ADGRB2: variants seen among roughly 807,000 people sequenced by gnomAD.
The protein encoded by ADGRB2 is adhesion G protein-coupled receptor B2, also known as brain-specific angiogenesis inhibitor 2.
ADGRB2 carries 47 observed loss-of-function variants against 178.7 expected under a neutral mutation model. The observed-to-expected ratio is 0.26, with a 90% CI of 0.21 to 0.34. The LOEUF is 0.34. Ranked by LOEUF, ADGRB2 falls within the 10% of genes least tolerant of loss-of-function variation. The pLI, the probability that ADGRB2 is intolerant of heterozygous loss-of-function variation, is 1.00. For missense variants in ADGRB2, 1,584 were observed against 2,180.8 expected (o/e 0.73, Z 5.45); for synonymous variants, 870 against 912.4 (o/e 0.95, Z 0.84).
intron 1 of ADGRB2, among the ~76,000 whole-genome samples, chr1:31,763,387 A>G (rs1647103957): frequency 6.7e-6 from 1 of 150,310 alleles, no homozygotes; most frequent in East Asian, 2.0e-4. Flanking sequence ...GCAGACATGG[A>G]TGGGGACAGG....
chr1:31,738,925 G>A lies in ADGRB2; in HGVS notation c.2508C>T (p.Ala836=), dbSNP rs200832626. ...LILPPPRPPL[A]VTSRVMTVTV... is the part of the protein sequence containing the mutation. Reference sequence around the variant, plus strand: ...TCACTGTCATCACCCGGGATGTGACGGCCAGCGGGGGCCTGCGGGACAGGT... The same window carrying A: ...TCACTGTCATCACCCGGGATGTGACAGCCAGCGGGGGCCTGCGGGACAGGT... The change falls in exon 16 of 33, where the codon GCC becomes GCT. Residue 836 remains alanine (A), a synonymous_variant. Transcript: ENST00000373658. 2.4e-4 allele frequency: 393 copies of A among 1,611,136 alleles called. 1 individual carries two copies. Among genetic ancestry groups the A allele is most frequent in the Non-Finnish European group, 8.1e-5 (95 of 1,178,628 alleles).
In ADGRB2 at chr1:31,735,123, T is replaced by TG; in HGVS notation, c.3452+59dup. On this transcript the variant is annotated intron_variant, in intron 25 of 32. Coordinates refer to ENST00000373658, the MANE Select transcript of ADGRB2 (RefSeq NM_001364857.2). This position sits in a 1 kb window ranked among gnomAD's most constrained non-coding sequence, Gnocchi z 6.0. ...CTCCTCCTCCCCCCACCATGGGCAC[T>TG]GCCCCCCCCAATTCCTTTGCCCCAC... The TG allele has an allele frequency of 1.2e-4, 70 of 590,338 alleles. No individual in the cohort carries two copies. Among genetic ancestry groups the TG allele is most frequent in the East Asian group, 1.6e-4 (4 of 24,250 alleles). The allele number at this position is 590,338 out of a possible 1,614,324, so 36.6% of individuals were successfully genotyped here.
At chr1:31,760,470 A>G (rs969807722) in intron 1 of ADGRB2, among the ~76,000 whole-genome samples, 1 of 152,124 alleles carries the variant, frequency 6.6e-6, no homozygotes, top group East Asian at 1.9e-4. Flanking sequence ...CAAAGCTTTC[A>G]GCAGCTGAAA....
rs372710497 is a variant in ADGRB2 at position 31,728,573 on chromosome 1, C to T, written c.4416+25G>A. On this transcript the variant is annotated intron_variant, in intron 30 of 32. Coordinates refer to ENST00000373658, the MANE Select transcript of ADGRB2 (RefSeq NM_001364857.2). The surrounding 1 kb of genome is among the most constrained non-coding windows in gnomAD (Gnocchi z 6.7). ...CAGACACCACAGCCAGATGTCCCAC[C>T]GCCCAGCACACACATGGCCCTTACC... The T allele has an allele frequency of 2.4e-5, 38 of 1,613,926 alleles. No individual in the cohort carries two copies. Among genetic ancestry groups the T allele is most frequent in the Middle Eastern group, 1.6e-4 (1 of 6,082 alleles).
chr1:31,742,712 C>T, intron 7 of ADGRB2, 126 bp downstream of exon 7: 1 of 1,159,168 alleles, frequency 8.6e-7, no homozygotes, highest in Non-Finnish European at 1.1e-6. Flanking sequence ...CTCCAGTCTC[C>T]CCATGCTTGG....
Position 31,733,165 on chromosome 1 carries a change from C to T in ADGRB2, c.3453-22G>A, listed in dbSNP as rs762959368. 2 of 1,561,294 alleles carry T rather than the reference C, an allele frequency of 1.3e-6. No homozygotes were observed. The highest frequency in any genetic ancestry group is 2.7e-5 in the African/African-American group (2 of 73,502). On this transcript the variant is annotated intron_variant, in intron 25 of 32. Transcript: ENST00000373658. The surrounding 1 kb of genome is among the most constrained non-coding windows in gnomAD (Gnocchi z 4.3). The stretch of plus-strand genomic sequence containing the variant: ...GGCCCTGAGGGGACAGTGGCAGAGC[C>T]CATCAGAGTGACACTCCGGGGGACA...
Position 31,759,307 on chromosome 1 carries a change from G to A in ADGRB2, c.-190-1796C>T, listed in dbSNP as rs369676902. The A allele has an allele frequency of 3.7e-5, 29 of 779,552 alleles. No individual in the cohort carries two copies. The highest frequency in any genetic ancestry group is 4.5e-4 in the Middle Eastern group (2 of 4,464). The allele number at this position is 779,552 out of a possible 1,614,324, so 48.3% of individuals were successfully genotyped here. A position where few individuals can be genotyped will look rare whatever the true frequency, so the allele number is the denominator to read the frequency against. ...TGCACAGAGGTGCACACGCATTCTC[G>A]ACTGAGAACACACATGAGTATCTGG... On this transcript the variant is annotated intron_variant, in intron 1 of 32. Transcript: ENST00000373658. This position sits in a 1 kb window ranked among gnomAD's most constrained non-coding sequence, Gnocchi z 4.3.
At position 31,731,026 on chromosome 1, in the gene ADGRB2, G is replaced by A; in HGVS notation, c.4154C>T (p.Ala1385Val). 6.3e-7 allele frequency: 1 copy of A among 1,584,226 alleles called. No homozygotes were observed. The highest frequency in any genetic ancestry group is 8.6e-7 in the Non-Finnish European group (1 of 1,162,524). The change falls in exon 29 of 33, where the codon GCT becomes GTT. Residue 1385 changes from alanine to valine, a missense_variant. Ala to Val is a moderately conservative substitution (Grantham distance 64). Transcript: ENST00000373658. ...RARPEGTPRR[A>V]AKTVAHTEGY... is the part of the protein sequence containing the mutation. ...TTCAGTGTGGGCCACTGTCTTGGCA[G>A]CTCGCCGGGGGGTCCCCTCCGGCCG...
chr1:31,742,790 C>G (rs1646048980), intron 7 of ADGRB2, 48 bp downstream of exon 7: 5 of 1,374,360 alleles, frequency 3.6e-6, no homozygotes, highest in Non-Finnish European at 3.8e-6. Context: ...TCCCGACCCC[C>G]CACCGGGCTG....
chr1:31,751,364 A>G (rs1646561460), intron 4 of ADGRB2, among the ~76,000 whole-genome samples: 1 of 152,230 alleles, frequency 6.6e-6, no homozygotes, highest in African/African-American at 2.4e-5. Context: ...TGTATGGGAT[A>G]GTCTGGTTTG....
chr1:31,745,102 T>C (rs1476678040), intron 4 of ADGRB2, among the ~76,000 whole-genome samples: 1 of 152,190 alleles, frequency 6.6e-6, no homozygotes, highest in Non-Finnish European at 1.5e-5. Context: ...AGAACCATCA[T>C]CTCTGTTTAC....
chr1:31,737,757 TG>T lies in ADGRB2; in HGVS notation c.2773-3del, dbSNP rs1054828705. The T allele has an allele frequency of 6.2e-7, 1 of 1,612,970 alleles. No individual in the cohort carries two copies. The highest frequency in any genetic ancestry group is 1.3e-5 in the African/African-American group (1 of 74,892). ...GGGGGAGCCCGCCAGCTCCAGGGTC[TG>T]GGGAAGATGGGCAGACAGTCAGATG... On this transcript the variant is annotated splice_region_variant and splice_polypyrimidine_tract_variant and intron_variant, in intron 18 of 32. Coordinates refer to ENST00000373658, the MANE Select transcript of ADGRB2 (RefSeq NM_001364857.2).
At chr1:31,738,551 G>T in intron 17 of ADGRB2, 36 bp downstream of exon 17, 1 of 1,590,734 alleles carries the variant, frequency 6.3e-7, no homozygotes, top group Non-Finnish European at 8.6e-7. Context: ...CCCTAGGGCT[G>T]CTCCCTTCCT....
chr1:31,731,282 C>T lies in ADGRB2; in HGVS notation c.3898G>A (p.Gly1300Arg), dbSNP rs1383495893. ...GCTGCCATGGGCACCAGGATATTCC[C>T]AGGCAGTGGTGAGAAGCTGAGGCTG... ...EGSLSFSPLPGNILVPMAASP... is the reference protein window; with the variant it reads ...EGSLSFSPLPRNILVPMAASP... Residue 1300 changes from glycine (G) to arginine (R), a missense_variant, in exon 29 of 33, where the codon GGG (glycine) becomes AGG (arginine). Gly to Arg is a moderately radical substitution (Grantham distance 125). Transcript: ENST00000373658. 3 of 1,611,624 alleles carry T rather than the reference C, an allele frequency of 1.9e-6. No homozygotes were observed. The highest frequency in any genetic ancestry group is 1.7e-5 in the Admixed American group (1 of 59,854).
rs751936334 is a variant in ADGRB2, at chr1:31,736,626, A to G, written c.3077T>C (p.Ile1026Thr). The G allele has an allele frequency of 6.1e-5, 99 of 1,614,022 alleles. No individual in the cohort carries two copies. Among genetic ancestry groups the G allele is most frequent in the South Asian group, 3.4e-4 (31 of 91,094 alleles). The change falls in exon 21 of 33, where the codon ATT becomes ACT. Residue 1026 changes from isoleucine to threonine, a missense_variant. Around this residue, in one of 3 missense-constraint regions of ADGRB2, gnomAD observed 865 missense variants for 1,192.8 expected, o/e 0.73. Transcript: ENST00000373658. ...TEAWQSYLAV[I>T]GRMRTRLVRK... ...AACGAGGCGGGTGCGCATCCGCCCA[A>G]TGACAGCCAGGTAGGACTGCCAGGC...
chr1:31,735,524 C>G lies in ADGRB2; in HGVS notation c.3353+56G>C. The G allele has an allele frequency of 3.9e-5, 62 of 1,574,396 alleles. No individual in the cohort carries two copies. Among genetic ancestry groups the G allele is most frequent in the Non-Finnish European group, 4.9e-5 (56 of 1,146,536 alleles). The stretch of plus-strand genomic sequence containing the variant: ...CCTGAGTCTCCAAGAGCACCCATGT[C>G]CCTCCCTCCCTGCACCATTTCCAGA... On this transcript the variant is annotated intron_variant, in intron 24 of 32. Transcript: ENST00000373658. The surrounding 1 kb of genome is among the most constrained non-coding windows in gnomAD (Gnocchi z 6.0).
In ADGRB2 at chr1:31,728,012, C is replaced by T. The variant is rs145190275; in HGVS notation, c.4572+13G>A. On this transcript the variant is annotated intron_variant, in intron 32 of 32. Transcript: ENST00000373658. This position sits in a 1 kb window ranked among gnomAD's most constrained non-coding sequence, Gnocchi z 6.7. ...CAGGCCCACCTCACCCCACCCAGCC[C>T]GGGGGGACTCACGGTGCACACGCTC... 14 of 1,550,890 alleles carry T rather than the reference C, an allele frequency of 9.0e-6. No homozygotes were observed. Among genetic ancestry groups the T allele is most frequent in the Middle Eastern group, 2.0e-4 (1 of 4,948 alleles).
At chr1:31,743,201 G>T (rs1646080476) in intron 6 of ADGRB2, among the ~76,000 whole-genome samples, 199 bp from the exon 7 acceptor site, 1 of 152,166 alleles carries the variant, frequency 6.6e-6, no homozygotes, top group African/African-American at 2.4e-5. Flanking sequence ...CAAGACACAG[G>T]CTTCCGGTCC....
Position 31,744,569 on chromosome 1 carries a change from G to GC in ADGRB2, c.922+78dup. 1 of 1,531,274 alleles carries GC rather than the reference G, an allele frequency of 6.5e-7. No homozygotes were observed. The highest frequency in any genetic ancestry group is 8.9e-7 in the Non-Finnish European group (1 of 1,119,192). 94.9% of individuals were successfully genotyped at this position (1,531,274 alleles called of 1,614,324 possible). ...TGAACTGCAGGACAGAGACAGACAG[G>GC]CACACACCAAGCACACACACCACCA... On this transcript the variant is annotated intron_variant, in intron 5 of 32. Coordinates refer to ENST00000373658, the MANE Select transcript of ADGRB2 (RefSeq NM_001364857.2). The surrounding 1 kb of genome is among the most constrained non-coding windows in gnomAD (Gnocchi z 6.7).
Sources: allele counts gnomAD v4.1 joint callset (sites outside exome capture counted in the v4.1 genomes callset), GRCh38; gene constraint gnomAD v4.1.1; regional missense constraint gnomAD v4.1.1; non-coding constraint Gnocchi (gnomAD v3.1); transcripts MANE v1.5; gene names NCBI Gene and HGNC (gene_info 2026-07-23, HGNC 2026-07-21).